Variants in PRKN observed in about 807,000 individuals in gnomAD.
PRKN encodes the protein E3 ubiquitin-protein ligase parkin.
A neutral mutation model predicts 59.5 loss-of-function variants in PRKN; 56 were observed. That is an observed-to-expected ratio of 0.94 (90% CI 0.76 to 1.18). The LOEUF is 1.18. PRKN is among the 50% of genes most tolerant of loss of function. PRKN has a pLI of 0.00. For missense variants in PRKN, 657 were observed against 596.4 expected (o/e 1.10, Z -1.06); for synonymous variants, 250 against 222.1 (o/e 1.13, Z -1.12).
intron 5 of PRKN, among the ~76,000 whole-genome samples, chr6:162,006,722 G>A (rs1202074217): frequency 1.3e-5 from 2 of 152,094 alleles, no homozygotes; most frequent in African/African-American, 4.8e-5. Flanking sequence ...TGCCATTTGG[G>A]GCTGAGTTCA....
chr6:162,666,446 A>G (rs1369951325), intron 1 of PRKN, among the ~76,000 whole-genome samples: 2 of 152,156 alleles, frequency 1.3e-5, no homozygotes, highest in Non-Finnish European at 2.9e-5. Context: ...TACTTTTAAG[A>G]AACAAGTTAC....
At chr6:161,513,303 C>T (rs1232362284) in intron 9 of PRKN, among the ~76,000 whole-genome samples, 1 of 152,082 alleles carries the variant, frequency 6.6e-6, no homozygotes, top group African/African-American at 2.4e-5. Context: ...TGCAGTGGTG[C>T]GATCTCAGCA....
rs1381397470 is a variant in PRKN, at chr6:161,526,845, A to C, written c.1083+22009T>G. On this transcript the variant is annotated intron_variant, in intron 9 of 11. Coordinates refer to ENST00000366898, the MANE Select transcript of PRKN (RefSeq NM_004562.3). The surrounding 1 kb of genome is among the most constrained non-coding windows in gnomAD (Gnocchi z 4.1). ...CATATGCATGAGAGTCCCTCAAAAT[A>C]TAAGGCTCAAAGAAGGGGTAGGTAA... Among the ~76,000 whole-genome samples, 1 of 152,224 alleles carries C rather than the reference A, an allele frequency of 6.6e-6. No individual in the cohort carries two copies. The highest frequency in any genetic ancestry group is 1.5e-5 in the Non-Finnish European group (1 of 68,042).
chr6:162,431,028 C>A (rs1237062347), intron 2 of PRKN, among the ~76,000 whole-genome samples: 1 of 152,074 alleles, frequency 6.6e-6, no homozygotes, highest in Non-Finnish European at 1.5e-5. Context: ...AACACCTCTT[C>A]CCAACGCCGC....
At chr6:161,430,304 C>T (rs1433945961) in intron 9 of PRKN, among the ~76,000 whole-genome samples, 1 of 152,176 alleles carries the variant, frequency 6.6e-6, no homozygotes, top group South Asian at 2.1e-4. Flanking sequence ...GTCCTTAGGA[C>T]CTAATCACTG....
intron 6 of PRKN, among the ~76,000 whole-genome samples, chr6:161,873,865 GTTTT>G (rs67477833): frequency 0.2 from 26,317 of 133,514 alleles, 3,269 homozygotes; most frequent in East Asian, 0.37. Context: ...TAAAAGACCT[GTTTT>G]TTGTTTATAT....
intron 7 of PRKN, among the ~76,000 whole-genome samples, chr6:161,738,960 T>C (rs1239052319): frequency 1.3e-5 from 2 of 152,194 alleles, no homozygotes; most frequent in Admixed American, 6.5e-5. Context: ...GAAACAGGTA[T>C]ACAGTTTTTG....
intron 7 of PRKN, among the ~76,000 whole-genome samples, chr6:161,648,187 G>A (rs1784025297): frequency 6.6e-6 from 1 of 152,188 alleles, no homozygotes; most frequent in Admixed American, 6.5e-5. Flanking sequence ...AGTAATTGTA[G>A]TTTTGCCTTA....
intron 1 of PRKN, among the ~76,000 whole-genome samples, chr6:162,455,631 A>G (rs1157180100): frequency 6.6e-6 from 1 of 152,176 alleles, no homozygotes; most frequent in African/African-American, 2.4e-5. Context: ...TAAGATGGCT[A>G]TGGGGGCCCA....
intron 5 of PRKN, among the ~76,000 whole-genome samples, chr6:162,012,547 A>G (rs1014398656): frequency 2.0e-5 from 3 of 152,182 alleles, no homozygotes; most frequent in African/African-American, 7.2e-5. Context: ...TCCTGAGAAT[A>G]AAAACATTCA....
chr6:162,390,396 T>TATATATATATACACACAC (rs1180636201), intron 2 of PRKN, among the ~76,000 whole-genome samples: 1 of 84,116 alleles, frequency 1.2e-5, no homozygotes, highest in Admixed American at 1.4e-4. Flanking sequence ...TATATATATA[T>TATATATATATACACACAC]ACACACACAC....
At chr6:162,690,730 G>C (rs1003305713) in intron 1 of PRKN, among the ~76,000 whole-genome samples, 7 of 152,086 alleles carry the variant, frequency 4.6e-5, no homozygotes, top group Non-Finnish European at 7.3e-5. Context: ...ACTAGAAATG[G>C]ACATCTTCAG....
rs1781458467 is a variant in PRKN, at chr6:161,584,605, A to T, written c.872-15189T>A. Among the ~76,000 whole-genome samples the T allele has an allele frequency of 6.6e-6, 1 of 152,170 alleles. No homozygotes were observed. The highest frequency in any genetic ancestry group is 1.5e-5 in the Non-Finnish European group (1 of 68,032). ...GGATTTCCTGGTTTTATTGTAAGAG[A>T]GTAGCTGTTGTCCCTCCAATAAAAA... is the stretch of plus-strand genomic sequence containing the variant. On this transcript the variant is annotated intron_variant, in intron 7 of 11. Coordinates refer to ENST00000366898, the MANE Select transcript of PRKN (RefSeq NM_004562.3). This position sits in a 1 kb window ranked among gnomAD's most constrained non-coding sequence, Gnocchi z 4.8.
chr6:162,561,476 C>T (rs367989078), intron 1 of PRKN, among the ~76,000 whole-genome samples: 1 of 152,216 alleles, frequency 6.6e-6, no homozygotes, highest in African/African-American at 2.4e-5. Flanking sequence ...ATAGGAAAAA[C>T]ACCTTCTTAA....
chr6:161,741,359 C>T (rs1039434537), intron 7 of PRKN, among the ~76,000 whole-genome samples: 1 of 152,188 alleles, frequency 6.6e-6, no homozygotes, highest in Non-Finnish European at 1.5e-5. Flanking sequence ...TAACAAGACA[C>T]TCGATGAGAC....
chr6:161,691,417 T>C (rs1282454877), intron 7 of PRKN, among the ~76,000 whole-genome samples: 1 of 152,232 alleles, frequency 6.6e-6, no homozygotes, highest in African/African-American at 2.4e-5. Flanking sequence ...TTCCAAGACT[T>C]TTTCTAAAAT....
intron 1 of PRKN, among the ~76,000 whole-genome samples, chr6:162,508,438 C>T (rs536107713): frequency 6.2e-4 from 95 of 152,248 alleles, no homozygotes; most frequent in African/African-American, 1.8e-3. Flanking sequence ...CAAATGAAAA[C>T]GCTGTAGTGT....
chr6:161,419,374 CCTTTT>C lies in PRKN; in HGVS notation c.1084-32502_1084-32498del, dbSNP rs1787986387. ...CCTAACCACAACACAGAGGGCCTTT[CCTTTT>C]TTCTTTTTTCTTCTTCTTTTTTTTT... is the stretch of plus-strand genomic sequence containing the variant. On this transcript the variant is annotated intron_variant, in intron 9 of 11. Coordinates refer to ENST00000366898, the MANE Select transcript of PRKN (RefSeq NM_004562.3). This position sits in a 1 kb window ranked among gnomAD's most constrained non-coding sequence, Gnocchi z 4.1. Among the ~76,000 whole-genome samples the C allele has an allele frequency of 7.0e-6, 1 of 141,998 alleles. No homozygotes were observed. The highest frequency in any genetic ancestry group is 2.6e-5 in the African/African-American group (1 of 37,812). The allele number at this position is 141,998 out of a possible 152,430, so 93.2% of individuals were successfully genotyped here.
In PRKN at chr6:161,527,937, C is replaced by T. The variant is rs2115375344; in HGVS notation, c.1083+20917G>A. On this transcript the variant is annotated intron_variant, in intron 9 of 11. Transcript: ENST00000366898. This position sits in a 1 kb window ranked among gnomAD's most constrained non-coding sequence, Gnocchi z 4.6. ...TACTGCCTCCTTTAACACAGCACTG[C>T]TTTTAAACATTTCTTTCCCCCCACT... 6.6e-6 allele frequency among the ~76,000 whole-genome samples: 1 copy of T among 152,320 alleles called. No homozygotes were observed. The highest frequency in any genetic ancestry group is 1.5e-5 in the Non-Finnish European group (1 of 68,030).
Sources: allele counts gnomAD v4.1 joint callset (sites outside exome capture counted in the v4.1 genomes callset), GRCh38; gene constraint gnomAD v4.1.1; non-coding constraint Gnocchi (gnomAD v3.1); transcripts MANE v1.5; gene names NCBI Gene and HGNC (gene_info 2026-07-23, HGNC 2026-07-21).